TRPM3: variants seen among roughly 807,000 people sequenced by gnomAD.
The protein encoded by TRPM3 is transient receptor potential cation channel subfamily M member 3.
In TRPM3, 77 loss-of-function variants were observed where a neutral mutation model predicts 181.2. The observed-to-expected ratio is 0.42, with a 90% CI of 0.35 to 0.51. TRPM3 has a LOEUF of 0.51. Ranked by LOEUF, TRPM3 falls within the 20% of genes least tolerant of loss-of-function variation. The pLI is 0.01. For synonymous variants in TRPM3, 745 were observed against 796.4 expected, an observed-to-expected ratio of 0.94 and a Z score of 1.09; for missense variants, 1,759 against 2,196.7, an observed-to-expected ratio of 0.80 and a Z score of 3.98.
At chr9:71,259,072 G>A (rs1458676798) in intron 1 of TRPM3, among the ~76,000 whole-genome samples, 7 of 151,820 alleles carry the variant, frequency 4.6e-5, no homozygotes, top group Non-Finnish European at 1.0e-4. Context: ...AGGCCCCAGT[G>A]TGTGATGTTC....
chr9:70,557,930 C>T (rs1564315816), intron 22 of TRPM3, among the ~76,000 whole-genome samples: 2 of 152,136 alleles, frequency 1.3e-5, no homozygotes, highest in African/African-American at 2.4e-5. Flanking sequence ...ATCCTAGTTT[C>T]CTTTTGTGGA....
Position 71,286,469 on chromosome 9 carries a change from C to T in TRPM3, c.183+160184G>A, listed in dbSNP as rs545214650. On this transcript the variant is annotated intron_variant, in intron 1 of 24. Transcript: ENST00000357533. Reference sequence around the variant, plus strand: ...CCATTAATACATTAATTCTTTAATACATCACTAACCAAACTAGCTTTTTGG... The same window carrying T: ...CCATTAATACATTAATTCTTTAATATATCACTAACCAAACTAGCTTTTTGG... 2.6e-5 allele frequency among the ~76,000 whole-genome samples: 4 copies of T among 152,206 alleles called. No homozygotes were observed. In the South Asian group the frequency reaches 6.2e-4, roughly 24 times the overall value.
intron 1 of TRPM3, among the ~76,000 whole-genome samples, chr9:71,224,162 C>A (rs577961125): frequency 1.4e-3 from 209 of 152,336 alleles, no homozygotes; most frequent in African/African-American, 4.7e-3. Context: ...GCTTGTGTCA[C>A]CCCTCCTCCA....
At chr9:71,086,904 G>A (rs1175438489) in intron 1 of TRPM3, among the ~76,000 whole-genome samples, 1 of 151,886 alleles carries the variant, frequency 6.6e-6, no homozygotes, top group Non-Finnish European at 1.5e-5. Context: ...TTACACTCTC[G>A]GCACTTCACA....
chr9:71,101,008 C>T (rs1303998013), intron 1 of TRPM3, among the ~76,000 whole-genome samples: 4 of 152,100 alleles, frequency 2.6e-5, no homozygotes, highest in Non-Finnish European at 5.9e-5. Flanking sequence ...TCTCTACTTG[C>T]TTTTTCTCAT....
intron 1 of TRPM3, among the ~76,000 whole-genome samples, chr9:71,352,487 T>G (rs1193653309): frequency 6.6e-6 from 1 of 151,954 alleles, no homozygotes; most frequent in Non-Finnish European, 1.5e-5. Flanking sequence ...GAAAAAAAAA[T>G]GGGATATGCT....
intron 8 of TRPM3, among the ~76,000 whole-genome samples, chr9:70,737,570 A>G (rs1373906305): frequency 6.1e-5 from 7 of 114,454 alleles, no homozygotes; most frequent in Admixed American, 3.8e-4. Context: ...TGCTCCAATT[A>G]AAAGACACAG....
At chr9:70,662,468 C>T (rs533015465) in intron 9 of TRPM3, among the ~76,000 whole-genome samples, 8 of 151,910 alleles carry the variant, frequency 5.3e-5, no homozygotes, top group South Asian at 4.2e-4. Context: ...ACCCACAGAG[C>T]GGGAGAAAAT....
chr9:71,111,980 T>G (rs1462163087), intron 1 of TRPM3, among the ~76,000 whole-genome samples: 2 of 152,194 alleles, frequency 1.3e-5, no homozygotes, highest in African/African-American at 2.4e-5. Context: ...TATTTGACCT[T>G]GATCCATGAT....
intron 22 of TRPM3, among the ~76,000 whole-genome samples, chr9:70,588,566 C>T (rs1238395308): frequency 5.3e-5 from 8 of 152,084 alleles, no homozygotes; most frequent in Admixed American, 6.5e-5. Flanking sequence ...AAGGCCCGCA[C>T]GGGGTACACC....
At chr9:70,539,817 A>C (rs1474588019) in intron 25 of TRPM3, among the ~76,000 whole-genome samples, 1 of 152,132 alleles carries the variant, frequency 6.6e-6, no homozygotes. Flanking sequence ...ATTTTTTACA[A>C]TGCAATCTGT....
At chr9:70,554,021 G>T (rs2047080174) in intron 22 of TRPM3, among the ~76,000 whole-genome samples, 2 of 150,896 alleles carry the variant, frequency 1.3e-5, no homozygotes, top group South Asian at 4.2e-4. Context: ...TGCTTTTCAG[G>T]GCACAGGAAA....
chr9:70,783,956 C>T (rs1382690921), intron 7 of TRPM3, 149 bp downstream of exon 7: 8 of 1,424,626 alleles, frequency 5.6e-6, no homozygotes, highest in Admixed American at 2.9e-5. Flanking sequence ...TTCACCACAG[C>T]CCTCCCATGA....
chr9:71,341,772 C>T (rs1398929252), intron 1 of TRPM3, among the ~76,000 whole-genome samples: 4 of 151,456 alleles, frequency 2.6e-5, no homozygotes, highest in Non-Finnish European at 5.9e-5. Context: ...TGATAATTTT[C>T]CTATGGTTAT....
At chr9:71,282,956 TTCC>T (rs2084967546) in intron 1 of TRPM3, among the ~76,000 whole-genome samples, 1 of 152,150 alleles carries the variant, frequency 6.6e-6, no homozygotes, top group Non-Finnish European at 1.5e-5. Flanking sequence ...TAGGCCTTCT[TTCC>T]TCCTTTCTAG....
Position 70,913,566 on chromosome 9 carries a change from T to C in TRPM3, c.178-49055A>G, listed in dbSNP as rs547235872. On this transcript the variant is annotated intron_variant, in intron 1 of 25. Coordinates refer to ENST00000677713, the MANE Select transcript of TRPM3 (RefSeq NM_001366145.2). ...CTGCTAAAATATGCAAGAGTTTCTATAGCAGGAAAAGACAAAAACAACCAA... is the reference window on the plus strand; with the variant it reads ...CTGCTAAAATATGCAAGAGTTTCTACAGCAGGAAAAGACAAAAACAACCAA... Among the ~76,000 whole-genome samples, 14 of 152,334 alleles carry C rather than the reference T, an allele frequency of 9.2e-5. No individual in the cohort carries two copies. In the South Asian group the frequency reaches 1.7e-3, roughly 18 times the overall value.
chr9:71,281,294 C>G (rs909066005), intron 1 of TRPM3, among the ~76,000 whole-genome samples: 1 of 152,222 alleles, frequency 6.6e-6, no homozygotes, highest in Non-Finnish European at 1.5e-5. Flanking sequence ...AGCAGTGGGA[C>G]AGTGACAGAG....
chr9:71,168,705 G>A (rs1469399574), intron 1 of TRPM3, among the ~76,000 whole-genome samples: 2 of 145,576 alleles, frequency 1.4e-5, no homozygotes, highest in East Asian at 4.0e-4. Context: ...GTAACTGACA[G>A]TAGATACTTC....
intron 1 of TRPM3, among the ~76,000 whole-genome samples, chr9:70,922,656 C>A (rs917573498): frequency 6.6e-6 from 1 of 152,090 alleles, no homozygotes. Context: ...ATTACAGTTC[C>A]TTTGACTTGG....
Sources: gnomAD v4.1 joint callset for allele counts (sites outside exome capture counted in the v4.1 genomes callset) on GRCh38, gnomAD v4.1.1 for gene constraint, MANE v1.5 for transcripts, NCBI Gene and HGNC (gene_info 2026-07-23, HGNC 2026-07-21) for gene names.